VPS39: variants seen among roughly 807,000 people sequenced by gnomAD.
VPS39 encodes vam6/Vps39-like protein.
VPS39 carries 70 observed loss-of-function variants against 121.0 expected under a neutral mutation model. The ratio of observed to expected loss-of-function variants is 0.58; its 90% CI spans 0.48 to 0.71. VPS39 has a LOEUF of 0.71. Among genes scored for constraint, VPS39 ranks in the 30% least tolerant of loss-of-function variants. The pLI is 0.00. For synonymous variants in VPS39, 378 were observed against 398.1 expected (o/e 0.95, Z 0.60); for missense variants, 818 against 1,051.5 (o/e 0.78, Z 3.07).
In VPS39 at chr15:42,188,667, TA is replaced by T. The variant is rs202187202; in HGVS notation, c.342+446del. Among the ~76,000 whole-genome samples the T allele has an allele frequency of 6.4e-3, 973 of 152,288 alleles. 12 individuals carry two copies. Among genetic ancestry groups the T allele is most frequent in the Non-Finnish European group, 8.7e-3 (591 of 68,026 alleles). On this transcript the variant is annotated intron_variant, in intron 5 of 24. Coordinates refer to ENST00000318006, the MANE Select transcript of VPS39 (RefSeq NM_015289.5). ...TGCACCAACAGAGAAATTTCTCTAA[TA>T]CAATTAAATATTCTCTTTGGGCCGG...
intron 8 of VPS39, among the ~76,000 whole-genome samples, chr15:42,180,421 T>C (rs570907759): frequency 6.6e-6 from 1 of 152,362 alleles, no homozygotes; most frequent in Non-Finnish European, 1.5e-5. Flanking sequence ...TTTTCTGTAC[T>C]TTTTGACAAG....
chr15:42,182,593 A>G (rs2049604402), intron 8 of VPS39, among the ~76,000 whole-genome samples: 1 of 152,252 alleles, frequency 6.6e-6, no homozygotes, highest in African/African-American at 2.4e-5. Flanking sequence ...AAGTGGATCA[A>G]GACATGCATC....
chr15:42,194,729 T>C (rs560613369), intron 2 of VPS39, among the ~76,000 whole-genome samples: 1 of 151,830 alleles, frequency 6.6e-6, no homozygotes, highest in South Asian at 2.1e-4. Flanking sequence ...TGAGACCATC[T>C]CAAAAAAACA....
At position 42,208,242 on chromosome 15, in the gene VPS39, C is replaced by T; in HGVS notation, c.-89G>A. The T allele has an allele frequency of 6.7e-7, 1 of 1,503,178 alleles. No individual in the cohort carries two copies. The highest frequency in any genetic ancestry group is 9.0e-7 in the Non-Finnish European group (1 of 1,112,988). 93.1% of individuals were successfully genotyped at this position (1,503,178 alleles called of 1,614,324 possible). A position where few individuals can be genotyped will look rare whatever the true frequency, so the allele number is the denominator to read the frequency against. ...GGAACGAGTCTGGGCTAAGGGTAGA[C>T]CGGGATCCGGCCAGGAACCCCCCGG... On this transcript the variant is annotated 5_prime_UTR_variant, in exon 1 of 25. Transcript: ENST00000318006.
chr15:42,199,717 A>G (rs186689381), intron 2 of VPS39, 179 bp downstream of exon 2: 2 of 599,190 alleles, frequency 3.3e-6, no homozygotes, highest in East Asian at 6.4e-5. Context: ...AAATGCAGGT[A>G]GGGCAATACA....
chr15:42,203,322 A>C (rs1210808828), intron 1 of VPS39, among the ~76,000 whole-genome samples: 1 of 152,134 alleles, frequency 6.6e-6, no homozygotes, highest in Non-Finnish European at 1.5e-5. Flanking sequence ...TACAAAAAAA[A>C]TTAGCCAGGC....
At position 42,208,259 on chromosome 15, in the gene VPS39, A is replaced by AC. The variant is rs1011794515; in HGVS notation, c.-107dup. The stretch of plus-strand genomic sequence containing the variant: ...AGGGTAGACCGGGATCCGGCCAGGA[A>AC]CCCCCCGGCTACAGGCCCTTCAACA... On this transcript the variant is annotated 5_prime_UTR_variant, in exon 1 of 25. Transcript: ENST00000318006. 2.7e-4 allele frequency: 389 copies of AC among 1,429,396 alleles called. 1 individual carries two copies. The highest frequency in any genetic ancestry group is 3.4e-4 in the Non-Finnish European group (360 of 1,056,094). 88.5% of individuals were successfully genotyped at this position (1,429,396 alleles called of 1,614,324 possible).
intron 24 of VPS39, 109 bp from the exon 25 acceptor site, chr15:42,160,938 G>C: frequency 8.9e-7 from 1 of 1,124,144 alleles, no homozygotes; most frequent in Non-Finnish European, 1.3e-6. Flanking sequence ...CATTCCAAAA[G>C]CAGCCCACCC....
chr15:42,204,543 G>A (rs1189730301), intron 1 of VPS39, among the ~76,000 whole-genome samples: 12 of 152,060 alleles, frequency 7.9e-5, no homozygotes, highest in African/African-American at 1.4e-4. Context: ...CTAACTACTC[G>A]GGAGGCTGAG....
chr15:42,198,803 G>C (rs756102910), intron 2 of VPS39, among the ~76,000 whole-genome samples: 9 of 152,222 alleles, frequency 5.9e-5, no homozygotes, highest in Admixed American at 1.3e-4. Flanking sequence ...CAAAGGCAGA[G>C]TTAAGTAGTA....
At chr15:42,161,217 T>C in intron 24 of VPS39, 1 of 304,972 alleles carries the variant, frequency 3.3e-6, no homozygotes. Flanking sequence ...AAAATATTTT[T>C]CCAGCTACAT....
intron 10 of VPS39, among the ~76,000 whole-genome samples, chr15:42,177,110 C>G (rs1429686644): frequency 7.0e-6 from 1 of 143,652 alleles, no homozygotes; most frequent in Non-Finnish European, 1.5e-5. Flanking sequence ...CTGCAGTGAG[C>G]CAAGACTGCA....
chr15:42,170,562 A>C (rs534245128), intron 11 of VPS39, among the ~76,000 whole-genome samples: 2 of 152,268 alleles, frequency 1.3e-5, no homozygotes, highest in African/African-American at 2.4e-5. Flanking sequence ...AATTGGCAAT[A>C]AAATGTAAGA....
At chr15:42,165,631 C>G (rs2049226455) in intron 17 of VPS39, 87 bp downstream of exon 17, 2 of 1,085,252 alleles carry the variant, frequency 1.8e-6, no homozygotes, top group East Asian at 4.8e-5. Flanking sequence ...TGACATAAAT[C>G]CCAAATCTGA....
chr15:42,186,291 T>G (rs1398841498), intron 7 of VPS39, among the ~76,000 whole-genome samples: 2 of 141,630 alleles, frequency 1.4e-5, no homozygotes, highest in Admixed American at 7.1e-5. Context: ...AAAAAAAAAA[T>G]ACAAAAATTA....
chr15:42,192,120 A>C (rs1566907049), intron 2 of VPS39: 1 of 1,536,240 alleles, frequency 6.5e-7, no homozygotes, highest in Non-Finnish European at 8.7e-7. Flanking sequence ...AAGGGGAAGA[A>C]AGTTATATAC....
At chr15:42,181,941 T>C (rs2049590101) in intron 8 of VPS39, among the ~76,000 whole-genome samples, 1 of 152,214 alleles carries the variant, frequency 6.6e-6, no homozygotes, top group South Asian at 2.1e-4. Flanking sequence ...CTCAAACTCC[T>C]GGGCTCAAGC....
Position 42,159,581 on chromosome 15 carries a change from C to G in VPS39, c.*1173G>C, listed in dbSNP as rs1566885985. ...CCTGCTGTTCTTGCCCCCCGCGTCC[C>G]CTCTGCTGTGCCTAAACACCTCTCA... On this transcript the variant is annotated 3_prime_UTR_variant, in exon 25 of 25. Transcript: ENST00000318006. The G allele has an allele frequency of 6.6e-6, 1 of 152,454 alleles. No homozygotes were observed. Among genetic ancestry groups the G allele is most frequent in the Non-Finnish European group, 1.5e-5 (1 of 68,222 alleles). 9.4% of individuals were successfully genotyped at this position (152,454 alleles called of 1,614,324 possible).
chr15:42,206,014 G>A (rs887215034), intron 1 of VPS39, among the ~76,000 whole-genome samples: 1 of 152,328 alleles, frequency 6.6e-6, no homozygotes, highest in South Asian at 2.1e-4. Context: ...GGACAGGCAT[G>A]TTTGAGGGGA....
Sources: gnomAD v4.1 joint callset for allele counts (sites outside exome capture counted in the v4.1 genomes callset) on GRCh38, gnomAD v4.1.1 for gene constraint, MANE v1.5 for transcripts, NCBI Gene and HGNC (gene_info 2026-07-23, HGNC 2026-07-21) for gene names.